KCND2: variants seen among roughly 807,000 people sequenced by gnomAD.
KCND2 encodes A-type voltage-gated potassium channel KCND2.
In KCND2, 16 loss-of-function variants were observed where a neutral mutation model predicts 54.4. The observed-to-expected ratio is 0.29, with a 90% CI of 0.20 to 0.45. The LOEUF is 0.45. Among genes scored for constraint, KCND2 ranks in the 20% least tolerant of loss-of-function variants. The pLI, the probability that KCND2 is intolerant of heterozygous loss-of-function variation, is 1.00. For synonymous variants in KCND2, 317 were observed against 310.7 expected (o/e 1.02, Z -0.21); for missense variants, 486 against 824.2 (o/e 0.59, Z 5.02).
intron 1 of KCND2, among the ~76,000 whole-genome samples, chr7:120,335,130 C>T (rs984935438): frequency 6.6e-6 from 1 of 151,938 alleles, no homozygotes; most frequent in African/African-American, 2.4e-5. Context: ...TTTGGGAGGC[C>T]AAGGTGGGTG....
intron 1 of KCND2, among the ~76,000 whole-genome samples, chr7:120,684,073 A>G (rs966598700): frequency 3.9e-5 from 6 of 152,136 alleles, no homozygotes; most frequent in African/African-American, 1.4e-4. Context: ...TAGTTGTAAT[A>G]AGAAAATGGA....
At chr7:120,556,631 A>C (rs1212871068) in intron 1 of KCND2, among the ~76,000 whole-genome samples, 1 of 152,154 alleles carries the variant, frequency 6.6e-6, no homozygotes, top group Admixed American at 6.6e-5. Context: ...TTTACTCACT[A>C]TGACATTTTA....
chr7:120,276,399 A>G (rs1432955070), intron 1 of KCND2, among the ~76,000 whole-genome samples: 1 of 152,192 alleles, frequency 6.6e-6, no homozygotes, highest in Non-Finnish European at 1.5e-5. Flanking sequence ...TTAAATTTGC[A>G]ACATATTTCA....
intron 1 of KCND2, among the ~76,000 whole-genome samples, chr7:120,420,026 A>G (rs1801589528): frequency 6.6e-6 from 1 of 151,332 alleles, no homozygotes; most frequent in African/African-American, 2.4e-5. Flanking sequence ...AGAAAAAAAG[A>G]AAAAACTGAA....
At position 120,745,897 on chromosome 7, in the gene KCND2, T is replaced by A; in HGVS notation, c.1585T>A (p.Cys529Ser). The change falls in exon 5 of 6, where the codon TGC becomes AGC. Residue 529 changes from cysteine (C) to serine (S), a missense_variant. By Grantham distance (112) the Cys-to-Ser change is moderately radical. Coordinates refer to ENST00000331113, the MANE Select transcript of KCND2 (RefSeq NM_012281.3). ...LSSQQGVTST[C>S]CSRRHKKTFR... ...TTCACAACAAGGAGTCACCAGCACC[T>A]GCTGTTCACGACGACACAAAAAAAC... The A allele has an allele frequency of 6.2e-7, 1 of 1,613,944 alleles. No homozygotes were observed. Among genetic ancestry groups the A allele is most frequent in the South Asian group, 1.1e-5 (1 of 91,088 alleles).
intron 1 of KCND2, among the ~76,000 whole-genome samples, chr7:120,473,978 G>C (rs1470432033): frequency 6.6e-6 from 1 of 152,166 alleles, no homozygotes; most frequent in South Asian, 2.1e-4. Flanking sequence ...TTGTCCTGTT[G>C]TCATTCTTGA....
At chr7:120,501,720 A>G (rs1802937738) in intron 1 of KCND2, among the ~76,000 whole-genome samples, 1 of 152,110 alleles carries the variant, frequency 6.6e-6, no homozygotes, top group African/African-American at 2.4e-5. Context: ...GAAACTCGAT[A>G]AGCCAATCCT....
intron 1 of KCND2, among the ~76,000 whole-genome samples, chr7:120,570,949 T>C (rs1231013782): frequency 6.6e-6 from 1 of 152,184 alleles, no homozygotes; most frequent in African/African-American, 2.4e-5. Flanking sequence ...AAAATAAAAG[T>C]ACCACTGTGA....
chr7:120,649,507 G>A (rs1791698253), intron 1 of KCND2, among the ~76,000 whole-genome samples: 1 of 152,124 alleles, frequency 6.6e-6, no homozygotes, highest in Non-Finnish European at 1.5e-5. Context: ...TTGCTGTGCA[G>A]AAGCTCTTTA....
At chr7:120,621,194 AC>A (rs1200542839) in intron 1 of KCND2, among the ~76,000 whole-genome samples, 7 of 146,010 alleles carry the variant, frequency 4.8e-5, no homozygotes, top group Non-Finnish European at 7.4e-5. Flanking sequence ...AATCACTTGA[AC>A]CCAGGAGGCG....
intron 1 of KCND2, among the ~76,000 whole-genome samples, chr7:120,628,892 A>G (rs1312117342): frequency 6.6e-6 from 1 of 152,212 alleles, no homozygotes; most frequent in Non-Finnish European, 1.5e-5. Context: ...TGTGCCAGGC[A>G]CTGTTTTATC....
intron 1 of KCND2, among the ~76,000 whole-genome samples, chr7:120,366,900 G>A (rs1800692668): frequency 6.6e-6 from 1 of 152,026 alleles, no homozygotes; most frequent in African/African-American, 2.4e-5. Flanking sequence ...AATAGTTGTT[G>A]ACCTTATCTA....
At chr7:120,411,575 A>G (rs1352673827) in intron 1 of KCND2, among the ~76,000 whole-genome samples, 2 of 151,944 alleles carry the variant, frequency 1.3e-5, no homozygotes, top group East Asian at 3.8e-4. Context: ...CTATGTGTAT[A>G]TGTGGGGGAA....
At chr7:120,721,862 G>A (rs1355277407) in intron 1 of KCND2, among the ~76,000 whole-genome samples, 5 of 152,062 alleles carry the variant, frequency 3.3e-5, no homozygotes, top group African/African-American at 4.8e-5. Context: ...GGAGGGACCC[G>A]GTAGGAGATA....
chr7:120,681,986 C>A (rs575889680), intron 1 of KCND2, among the ~76,000 whole-genome samples: 4 of 152,016 alleles, frequency 2.6e-5, no homozygotes, highest in African/African-American at 9.6e-5. Flanking sequence ...GGGAAAGATA[C>A]TGTTTAAAAG....
At chr7:120,677,505 G>A (rs1792077500) in intron 1 of KCND2, among the ~76,000 whole-genome samples, 1 of 146,650 alleles carries the variant, frequency 6.8e-6, no homozygotes, top group Admixed American at 6.9e-5. Context: ...ACCATTGGTG[G>A]TAAGAATTCA....
At chr7:120,546,574 C>A (rs1792044610) in intron 1 of KCND2, among the ~76,000 whole-genome samples, 1 of 151,906 alleles carries the variant, frequency 6.6e-6, no homozygotes, top group South Asian at 2.1e-4. Context: ...CCATCAAGTT[C>A]TTCTGCCATA....
At chr7:120,698,659 T>C (rs1792361883) in intron 1 of KCND2, among the ~76,000 whole-genome samples, 1 of 152,226 alleles carries the variant, frequency 6.6e-6, no homozygotes, top group Non-Finnish European at 1.5e-5. Flanking sequence ...GAGTACCTAC[T>C]GGTACTAGAC....
chr7:120,451,187 T>A (rs1358658217), intron 1 of KCND2, among the ~76,000 whole-genome samples: 1 of 152,114 alleles, frequency 6.6e-6, no homozygotes, highest in Non-Finnish European at 1.5e-5. Flanking sequence ...TTATCTAGAT[T>A]GTTATATGGC....
Sources: gnomAD v4.1 joint callset for allele counts (sites outside exome capture counted in the v4.1 genomes callset) on GRCh38, gnomAD v4.1.1 for gene constraint, MANE v1.5 for transcripts, NCBI Gene and HGNC (gene_info 2026-07-23, HGNC 2026-07-21) for gene names.